The following ZFHX3 variants were observed in gnomAD, a reference collection of about 807,000 sequenced individuals.
ZFHX3 encodes the protein zinc finger homeobox 3.
Under a neutral mutation model 279.1 loss-of-function variants are expected in ZFHX3, and 42 were observed. That is an observed-to-expected ratio of 0.15 (90% CI 0.12 to 0.19). The LOEUF (loss-of-function observed/expected upper bound fraction) is 0.19, where lower values mean the gene tolerates loss of function less well. Ranked by LOEUF, ZFHX3 falls within the 10% of genes least tolerant of loss-of-function variation. ZFHX3 has a pLI of 1.00. For synonymous variants in ZFHX3, 2,293 were observed against 1,957.8 expected, an observed-to-expected ratio of 1.17 and a Z score of -4.52; for missense variants, 4,981 against 4,754.0, an observed-to-expected ratio of 1.05 and a Z score of -1.40.
rs1328929116 is a variant in ZFHX3, at chr16:72,960,232, G to A, written c.-49-38C>T. On this transcript the variant is annotated intron_variant, in intron 1 of 9. Coordinates refer to ENST00000268489, the MANE Select transcript of ZFHX3 (RefSeq NM_006885.4). ...GGCAAGGGGGGAGGAGGGAGAGAGGGGAAAGAGAGAGAGAAAGGAAAGAGG... is the reference window on the plus strand; with the variant it reads ...GGCAAGGGGGGAGGAGGGAGAGAGGAGAAAGAGAGAGAGAAAGGAAAGAGG... The A allele has an allele frequency of 6.8e-6, 10 of 1,460,852 alleles. No homozygotes were observed. In the Admixed American group the frequency reaches 1.8e-4, roughly 27 times the overall value. 90.5% of individuals were successfully genotyped at this position (1,460,852 alleles called of 1,614,324 possible).
intron 1 of ZFHX3, among the ~76,000 whole-genome samples, chr16:73,823,461 C>G (rs956327072): frequency 6.6e-6 from 1 of 152,194 alleles, no homozygotes; most frequent in African/African-American, 2.4e-5. Flanking sequence ...AGGTTCAAAC[C>G]AATGCAGGAA....
intron 3 of ZFHX3, among the ~76,000 whole-genome samples, chr16:72,944,386 T>C (rs1323392353): frequency 6.6e-6 from 1 of 152,214 alleles, no homozygotes; most frequent in Non-Finnish European, 1.5e-5. Context: ...ACACATGCAT[T>C]TTCATCTACA....
chr16:73,312,495 T>C (rs1329215389), intron 4 of ZFHX3, among the ~76,000 whole-genome samples: 1 of 152,132 alleles, frequency 6.6e-6, no homozygotes, highest in Non-Finnish European at 1.5e-5. Context: ...TGTGTCAAGG[T>C]TGTTGCCGAG....
chr16:73,396,433 T>TTC (rs2017130910), intron 3 of ZFHX3, among the ~76,000 whole-genome samples: 1 of 151,922 alleles, frequency 6.6e-6, no homozygotes. Flanking sequence ...TTATTTTTTT[T>TTC]CATTCATTCA....
chr16:73,274,600 C>G (rs554020180), intron 4 of ZFHX3, among the ~76,000 whole-genome samples: 42 of 152,322 alleles, frequency 2.8e-4, no homozygotes, highest in African/African-American at 9.4e-4. Flanking sequence ...TTCATCTATT[C>G]TTTCCTGACC....
chr16:73,702,423 GT>G (rs990224155), intron 1 of ZFHX3, among the ~76,000 whole-genome samples: 1 of 152,158 alleles, frequency 6.6e-6, no homozygotes, highest in Non-Finnish European at 1.5e-5. Flanking sequence ...GAGTGGCGGT[GT>G]TTTCTTCCAG....
At chr16:73,503,220 T>G (rs2019269406) in intron 2 of ZFHX3, among the ~76,000 whole-genome samples, 1 of 152,224 alleles carries the variant, frequency 6.6e-6, no homozygotes, top group African/African-American at 2.4e-5. Flanking sequence ...TATCTAAATA[T>G]CCATACTTAG....
chr16:73,045,827 G>C (rs899922461), intron 1 of ZFHX3, among the ~76,000 whole-genome samples: 25 of 149,512 alleles, frequency 1.7e-4, no homozygotes, highest in East Asian at 5.9e-4. Context: ...GTTGAGAGAG[G>C]GAAGTGACCC....
intron 2 of ZFHX3, among the ~76,000 whole-genome samples, chr16:73,605,565 A>C (rs984509377): frequency 6.6e-6 from 1 of 152,280 alleles, no homozygotes. Context: ...AAATTCCTAC[A>C]GAGTCCTGTA....
At chr16:73,802,049 A>T (rs945145737) in intron 1 of ZFHX3, among the ~76,000 whole-genome samples, 1 of 152,228 alleles carries the variant, frequency 6.6e-6, no homozygotes, top group Admixed American at 6.5e-5. Flanking sequence ...ACAGTGTGTC[A>T]GTCCTGTCAA....
intron 2 of ZFHX3, among the ~76,000 whole-genome samples, chr16:73,622,140 C>T (rs983090018): frequency 6.6e-6 from 1 of 152,186 alleles, no homozygotes; most frequent in South Asian, 2.1e-4. Flanking sequence ...CACAGACAGG[C>T]GTCTTCTGCT....
intron 1 of ZFHX3, among the ~76,000 whole-genome samples, chr16:72,994,580 C>T (rs1049434385): frequency 6.6e-6 from 1 of 152,360 alleles, no homozygotes; most frequent in Non-Finnish European, 1.5e-5. Context: ...ACCTCCTCTA[C>T]CTTTCCCCAG....
chr16:72,900,647 A>C (rs2039011528), intron 3 of ZFHX3, among the ~76,000 whole-genome samples: 2 of 152,168 alleles, frequency 1.3e-5, no homozygotes, highest in African/African-American at 4.8e-5. Flanking sequence ...GTTCCAGCTC[A>C]GTGGTTCTCT....
intron 4 of ZFHX3, among the ~76,000 whole-genome samples, chr16:73,317,404 C>T (rs985548432): frequency 6.6e-6 from 1 of 152,166 alleles, no homozygotes; most frequent in Non-Finnish European, 1.5e-5. Flanking sequence ...GGGCCCTTCC[C>T]CCACTCTAAG....
chr16:73,206,497 T>C (rs1010666240), intron 5 of ZFHX3, among the ~76,000 whole-genome samples: 2 of 152,224 alleles, frequency 1.3e-5, no homozygotes, highest in Non-Finnish European at 2.9e-5. Context: ...AGTTCGCTAC[T>C]GCCTTTCTTA....
At chr16:73,840,272 A>G (rs940549463) in intron 1 of ZFHX3, among the ~76,000 whole-genome samples, 1 of 152,106 alleles carries the variant, frequency 6.6e-6, no homozygotes, top group Non-Finnish European at 1.5e-5. Context: ...GCAGGAATCC[A>G]CCCATGTCCT....
chr16:72,860,039 T>A (rs1445441324), intron 4 of ZFHX3, among the ~76,000 whole-genome samples: 1 of 152,210 alleles, frequency 6.6e-6, no homozygotes, highest in East Asian at 1.9e-4. Flanking sequence ...CCCCTCGACA[T>A]GGTGGACGTT....
At chr16:73,308,304 T>G (rs2015241508) in intron 4 of ZFHX3, among the ~76,000 whole-genome samples, 1 of 127,518 alleles carries the variant, frequency 7.8e-6, no homozygotes, top group African/African-American at 2.9e-5. Flanking sequence ...TGAGACAGAG[T>G]TTCACTCTTG....
chr16:73,063,068 G>A (rs938159336), upstream of ZFHX3, among the ~76,000 whole-genome samples: 2 of 152,218 alleles, frequency 1.3e-5, no homozygotes, highest in African/African-American at 2.4e-5. Flanking sequence ...GGCTTGCAGC[G>A]CCCGGCAGCC....
Sources: allele counts gnomAD v4.1 joint callset (sites outside exome capture counted in the v4.1 genomes callset), GRCh38; gene constraint gnomAD v4.1.1; transcripts MANE v1.5; gene names NCBI Gene and HGNC (gene_info 2026-07-23, HGNC 2026-07-21).